Variants in PDGFRL observed in about 807,000 individuals in gnomAD.
The protein encoded by PDGFRL is platelet-derived growth factor receptor-like protein.
Under a neutral mutation model 37.2 loss-of-function variants are expected in PDGFRL, and 46 were observed. That is an observed-to-expected ratio of 1.24 (90% CI 0.98 to 1.58). The LOEUF (loss-of-function observed/expected upper bound fraction) is 1.58, where lower values mean the gene tolerates loss of function less well. Among genes scored for constraint, PDGFRL ranks in the 40% most tolerant of loss-of-function variants. The probability of loss-of-function intolerance (pLI) is 0.00; values close to 1 mark genes in which losing one functional copy is unlikely to be tolerated. For synonymous variants in PDGFRL, 251 were observed against 184.3 expected, an observed-to-expected ratio of 1.36 and a Z score of -2.93; for missense variants, 692 against 467.6, an observed-to-expected ratio of 1.48 and a Z score of -4.43.
At chr8:17,638,107 G>A (rs1805009371) in intron 5 of PDGFRL, among the ~76,000 whole-genome samples, 1 of 151,980 alleles carries the variant, frequency 6.6e-6, no homozygotes, top group South Asian at 2.1e-4. Context: ...GTTTGTTCTG[G>A]TTTTTCCAGT....
intron 5 of PDGFRL, among the ~76,000 whole-genome samples, chr8:17,641,996 CTG>C (rs934440279): frequency 3.5e-5 from 5 of 143,230 alleles, no homozygotes; most frequent in Admixed American, 1.5e-4. Context: ...GTTCTTATCA[CTG>C]GAGTTGGGTG....
chr8:17,583,759 G>C (rs1049749893), intron 1 of PDGFRL, among the ~76,000 whole-genome samples: 1 of 152,080 alleles, frequency 6.6e-6, no homozygotes, highest in Non-Finnish European at 1.5e-5. Context: ...ATTCATGTAA[G>C]AGCTGGTTAA....
rs765408283 is a variant in PDGFRL at position 17,589,527 on chromosome 8, A to G, written c.115A>G (p.Lys39Glu). 9 of 1,613,982 alleles carry G rather than the reference A, an allele frequency of 5.6e-6. No homozygotes were observed. In the Admixed American group the frequency reaches 1.3e-4, roughly 24 times the overall value. Reference sequence around the variant, plus strand: ...AAAAGAACCAGGAGAGAATAGAATCAAACCTACCAACAAGAAGGTGAAGCC... The same window carrying G: ...AAAAGAACCAGGAGAGAATAGAATCGAACCTACCAACAAGAAGGTGAAGCC... ...RPKEPGENRI[K>E]PTNKKVKPKI... Residue 39 changes from lysine (K) to glutamate (E), a missense_variant, in exon 2 of 6, where the codon AAA (lysine) becomes GAA (glutamate). Lys to Glu is a moderately conservative substitution (Grantham distance 56). Transcript: ENST00000251630.
intron 2 of PDGFRL, among the ~76,000 whole-genome samples, chr8:17,613,120 C>T (rs144349089): frequency 4.3e-4 from 66 of 152,268 alleles, no homozygotes; most frequent in Middle Eastern, 3.4e-3. Context: ...CCATTTTTTA[C>T]GATCACTGTC....
intron 3 of PDGFRL, among the ~76,000 whole-genome samples, chr8:17,622,963 A>C (rs2129774054): frequency 6.6e-6 from 1 of 152,086 alleles, no homozygotes; most frequent in East Asian, 1.9e-4. Flanking sequence ...TTTAGGCAAG[A>C]CCCCTGTGCA....
At chr8:17,636,157 CT>C (rs1804966392) in intron 5 of PDGFRL, among the ~76,000 whole-genome samples, 1 of 152,134 alleles carries the variant, frequency 6.6e-6, no homozygotes, top group Non-Finnish European at 1.5e-5. Context: ...GTTGCATTTG[CT>C]TTTTGGTTCT....
intron 5 of PDGFRL, among the ~76,000 whole-genome samples, 176 bp downstream of exon 5, chr8:17,634,389 G>A (rs766485839): frequency 2.6e-5 from 4 of 151,952 alleles, no homozygotes; most frequent in Non-Finnish European, 5.9e-5. Flanking sequence ...AAGATGTTTC[G>A]GTATATTTAA....
At chr8:17,633,993 C>T (rs1585335474) in intron 4 of PDGFRL, 81 bp from the exon 5 acceptor site, 4 of 1,355,160 alleles carry the variant, frequency 3.0e-6, no homozygotes, top group Non-Finnish European at 4.2e-6. Flanking sequence ...CATCTCTCTC[C>T]ATGGAAAAGA....
At position 17,621,145 on chromosome 8, in the gene PDGFRL, G is replaced by T. The variant is rs750440858; in HGVS notation, c.448G>T (p.Gly150Cys). 1 of 1,610,868 alleles carries T rather than the reference G, an allele frequency of 6.2e-7. No homozygotes were observed. Among genetic ancestry groups the T allele is most frequent in the South Asian group, 1.1e-5 (1 of 90,836 alleles). ...CAGCTGCTGGGTGCAGCTCTGCAGCGGCTACATCTGCAGGAAGGACGAGGC... is the reference window on the plus strand; with the variant it reads ...CAGCTGCTGGGTGCAGCTCTGCAGCTGCTACATCTGCAGGAAGGACGAGGC... The part of the protein sequence containing the change: ...EFSCWVQLCS[G>C]YICRKDEAKT... The change falls in exon 3 of 6, where the codon GGC becomes TGC. Residue 150 changes from glycine (G) to cysteine (C), a missense_variant. Coordinates refer to ENST00000251630, the MANE Select transcript of PDGFRL (RefSeq NM_001372073.1).
chr8:17,582,898 T>G (rs1387365521), intron 1 of PDGFRL, among the ~76,000 whole-genome samples: 1 of 152,066 alleles, frequency 6.6e-6, no homozygotes, highest in African/African-American at 2.4e-5. Flanking sequence ...CAGGCCCTGC[T>G]GCTCTTCTGC....
intron 1 of PDGFRL, among the ~76,000 whole-genome samples, chr8:17,587,809 T>G (rs1370551576): frequency 6.6e-6 from 1 of 152,130 alleles, no homozygotes; most frequent in East Asian, 1.9e-4. Flanking sequence ...TTTGTATTTT[T>G]AGTAGAGATG....
chr8:17,641,924 A>T (rs904051463), intron 5 of PDGFRL, among the ~76,000 whole-genome samples: 1 of 22,546 alleles, frequency 4.4e-5, no homozygotes, highest in Non-Finnish European at 8.2e-5. Context: ...TTGGTATTTT[A>T]TGAGAAAAGG....
chr8:17,589,006 A>G (rs899834337), intron 1 of PDGFRL, among the ~76,000 whole-genome samples: 1 of 152,184 alleles, frequency 6.6e-6, no homozygotes, highest in African/African-American at 2.4e-5. Context: ...AAAGATGATA[A>G]TTACATGACT....
intron 4 of PDGFRL, among the ~76,000 whole-genome samples, chr8:17,633,800 C>A (rs1254077788): frequency 6.6e-6 from 1 of 152,180 alleles, no homozygotes; most frequent in Non-Finnish European, 1.5e-5. Flanking sequence ...CACATGACCA[C>A]TGATGGACCT....
At chr8:17,606,900 T>G (rs1410525203) in intron 2 of PDGFRL, among the ~76,000 whole-genome samples, 8 of 142,420 alleles carry the variant, frequency 5.6e-5, no homozygotes, top group African/African-American at 2.1e-4. Flanking sequence ...TTTTGTTTTT[T>G]TTTTTTTTTT....
chr8:17,603,889 A>G (rs1804219356), intron 2 of PDGFRL, among the ~76,000 whole-genome samples: 1 of 152,170 alleles, frequency 6.6e-6, no homozygotes, highest in Non-Finnish European at 1.5e-5. Context: ...AGCAAGATAT[A>G]AGGAAATTCC....
Position 17,642,945 on chromosome 8 carries a change from A to T in PDGFRL, c.*144A>T, listed in dbSNP as rs1000542286. The T allele has an allele frequency of 8.4e-6, 5 of 592,692 alleles. No individual in the cohort carries two copies. The highest frequency in any genetic ancestry group is 1.5e-5 in the Non-Finnish European group (5 of 336,532). 36.7% of individuals were successfully genotyped at this position (592,692 alleles called of 1,614,324 possible). On this transcript the variant is annotated 3_prime_UTR_variant, in exon 6 of 6. Coordinates refer to ENST00000251630, the MANE Select transcript of PDGFRL (RefSeq NM_001372073.1). ...AGCGTCTCGTGAGTCCGACCCAGAC[A>T]TCCAAACTAAAAGGAAGTCATCCAG...
rs193203672 is a variant in PDGFRL at position 17,631,801 on chromosome 8, C to A, written c.800-2273C>A. ...TTTTCCCAGCTTCCCCCACCTCCCC[C>A]ACAGCTTTCTCACTCTTCTTGGTCA... On this transcript the variant is annotated intron_variant, in intron 4 of 5. Transcript: ENST00000251630. Among the ~76,000 whole-genome samples, 52 of 152,330 alleles carry A rather than the reference C, an allele frequency of 3.4e-4. 1 individual carries two copies. In the East Asian group the frequency reaches 7.3e-3, roughly 22 times the overall value.
At chr8:17,629,941 C>T (rs1170312309) in intron 4 of PDGFRL, among the ~76,000 whole-genome samples, 1 of 152,152 alleles carries the variant, frequency 6.6e-6, no homozygotes, top group Admixed American at 6.5e-5. Context: ...TGGGTCCCAC[C>T]ACATCAGTAC....
Sources: gnomAD v4.1 joint callset for allele counts (sites outside exome capture counted in the v4.1 genomes callset) on GRCh38, gnomAD v4.1.1 for gene constraint, MANE v1.5 for transcripts, NCBI Gene and HGNC (gene_info 2026-07-23, HGNC 2026-07-21) for gene names.